PDE7B: variants seen among roughly 807,000 people sequenced by gnomAD.
PDE7B encodes phosphodiesterase 7B.
In PDE7B, 29 loss-of-function variants were observed where a neutral mutation model predicts 56.2. The observed-to-expected ratio is 0.52, with a 90% CI of 0.38 to 0.70. The LOEUF is 0.70. Ranked by LOEUF, PDE7B falls within the 30% of genes least tolerant of loss-of-function variation. PDE7B has a pLI of 0.00. For synonymous variants in PDE7B, 197 were observed against 196.9 expected (o/e 1.00, Z 0.00); for missense variants, 490 against 565.0 (o/e 0.87, Z 1.35).
chr6:136,075,481 C>T (rs1373701868), intron 2 of PDE7B, among the ~76,000 whole-genome samples: 1 of 152,204 alleles, frequency 6.6e-6, no homozygotes, highest in Non-Finnish European at 1.5e-5. Context: ...TGATGCTCCT[C>T]AGTCTCCCAC....
At chr6:136,102,248 C>A (rs1277108724) in intron 2 of PDE7B, among the ~76,000 whole-genome samples, 2 of 144,450 alleles carry the variant, frequency 1.4e-5, no homozygotes, top group Non-Finnish European at 1.5e-5. Context: ...CTAAAAATAC[C>A]AACAATTAAG....
At chr6:136,033,886 ATG>A (rs59428056) in intron 2 of PDE7B, 57,977 of 150,538 alleles carry the variant, frequency 0.39, 11,790 homozygotes, top group African/African-American at 0.53. Context: ...GTGTGTGTGC[ATG>A]TGTGTGTGTG....
intron 5 of PDE7B, among the ~76,000 whole-genome samples, chr6:136,150,668 G>T (rs2128447190): frequency 6.6e-6 from 1 of 152,274 alleles, no homozygotes; most frequent in East Asian, 1.9e-4. Context: ...CTGCTGACTT[G>T]AATTCTAAAA....
At chr6:136,042,163 A>G (rs1365933869) in intron 2 of PDE7B, among the ~76,000 whole-genome samples, 3 of 152,232 alleles carry the variant, frequency 2.0e-5, no homozygotes, top group Non-Finnish European at 4.4e-5. Flanking sequence ...GCAAATATCC[A>G]AGGAAAGATC....
At chr6:135,936,355 A>G (rs1774420140) in intron 1 of PDE7B, among the ~76,000 whole-genome samples, 1 of 152,174 alleles carries the variant, frequency 6.6e-6, no homozygotes, top group Non-Finnish European at 1.5e-5. Flanking sequence ...ACCTTTTGCT[A>G]TCTGTAGGGT....
chr6:136,086,839 G>A (rs1367167513), intron 2 of PDE7B, among the ~76,000 whole-genome samples: 1 of 152,150 alleles, frequency 6.6e-6, no homozygotes, highest in Non-Finnish European at 1.5e-5. Flanking sequence ...GTGTGTGTAC[G>A]GTGCCAAGAT....
At chr6:136,163,217 C>A (rs573547773) in intron 8 of PDE7B, among the ~76,000 whole-genome samples, 4 of 152,242 alleles carry the variant, frequency 2.6e-5, no homozygotes, top group African/African-American at 9.6e-5. Context: ...GACATACAGG[C>A]ATTTCTGTAC....
chr6:136,117,730 C>T (rs1217744998), intron 3 of PDE7B, among the ~76,000 whole-genome samples: 2 of 152,166 alleles, frequency 1.3e-5, no homozygotes, highest in East Asian at 1.9e-4. Flanking sequence ...CAGGTGTGCA[C>T]CCCTCTTAGG....
chr6:136,109,209 G>T (rs1777705479), intron 3 of PDE7B, among the ~76,000 whole-genome samples: 1 of 152,160 alleles, frequency 6.6e-6, no homozygotes, highest in Non-Finnish European at 1.5e-5. Context: ...TGGTGGCACA[G>T]CCTGTAGTCC....
chr6:135,998,128 AG>A (rs1267206124), intron 2 of PDE7B, among the ~76,000 whole-genome samples: 1 of 152,178 alleles, frequency 6.6e-6, no homozygotes, highest in Non-Finnish European at 1.5e-5. Flanking sequence ...TTATTTTAAA[AG>A]TCCAATATAA....
intron 3 of PDE7B, among the ~76,000 whole-genome samples, chr6:136,120,582 T>G (rs1158746332): frequency 1.3e-5 from 2 of 151,968 alleles, no homozygotes; most frequent in Non-Finnish European, 2.9e-5. Flanking sequence ...CGCAGGGGGT[T>G]TGGTAGGTTT....
chr6:136,026,596 A>G (rs1480490785), intron 2 of PDE7B, among the ~76,000 whole-genome samples: 1 of 152,242 alleles, frequency 6.6e-6, no homozygotes, highest in African/African-American at 2.4e-5. Flanking sequence ...CCAACCACAC[A>G]GGCAGTACAG....
chr6:135,992,677 T>C (rs987673412), intron 2 of PDE7B, among the ~76,000 whole-genome samples: 4 of 152,212 alleles, frequency 2.6e-5, no homozygotes, highest in East Asian at 1.9e-4. Flanking sequence ...GGATAAATGA[T>C]AGCAAATGAA....
At chr6:136,155,377 G>A (rs377199678) in intron 7 of PDE7B, among the ~76,000 whole-genome samples, 2 of 152,226 alleles carry the variant, frequency 1.3e-5, no homozygotes, top group African/African-American at 4.8e-5. Flanking sequence ...AAAACAGAGT[G>A]GAATAGGAAG....
chr6:135,967,933 C>T (rs1321259921), intron 2 of PDE7B, among the ~76,000 whole-genome samples: 1 of 152,210 alleles, frequency 6.6e-6, no homozygotes, highest in Non-Finnish European at 1.5e-5. Flanking sequence ...AAGTCAATGA[C>T]TCCTGTAGAA....
At chr6:135,916,791 C>G (rs1773958466) in intron 1 of PDE7B, among the ~76,000 whole-genome samples, 1 of 152,034 alleles carries the variant, frequency 6.6e-6, no homozygotes, top group African/African-American at 2.4e-5. Context: ...ATTTCATTGT[C>G]AGATATATAT....
At chr6:135,869,317 T>A (rs1775327268) in intron 1 of PDE7B, among the ~76,000 whole-genome samples, 1 of 152,144 alleles carries the variant, frequency 6.6e-6, no homozygotes, top group Non-Finnish European at 1.5e-5. Context: ...GCATAGTATA[T>A]TTATGAAGTC....
At chr6:136,090,612 T>C (rs1777371080) in intron 2 of PDE7B, among the ~76,000 whole-genome samples, 1 of 152,218 alleles carries the variant, frequency 6.6e-6, no homozygotes, top group African/African-American at 2.4e-5. Flanking sequence ...CACATTGTTG[T>C]CAAAGTCCTT....
intron 2 of PDE7B, among the ~76,000 whole-genome samples, chr6:136,069,152 TG>T (rs1423244073): frequency 2.0e-5 from 3 of 152,128 alleles, no homozygotes; most frequent in African/African-American, 7.2e-5. Flanking sequence ...TTCAGTTGGT[TG>T]GGGGGCTTAG....
Sources: gnomAD v4.1 joint callset for allele counts (sites outside exome capture counted in the v4.1 genomes callset) on GRCh38, gnomAD v4.1.1 for gene constraint, MANE v1.5 for transcripts, NCBI Gene and HGNC (gene_info 2026-07-23, HGNC 2026-07-21) for gene names.